GRK5: variants seen among roughly 807,000 people sequenced by gnomAD.
The protein encoded by GRK5 is G protein-coupled receptor kinase 5.
A neutral mutation model predicts 78.4 loss-of-function variants in GRK5; 40 were observed. The observed-to-expected ratio is 0.51, with a 90% confidence interval of 0.40 to 0.66. The LOEUF is 0.66. GRK5 is among the 30% of genes least tolerant of loss of function. GRK5 has a pLI of 0.00. For synonymous variants in GRK5, 289 were observed against 296.8 expected, an observed-to-expected ratio of 0.97 and a Z score of 0.27; for missense variants, 598 against 759.9, an observed-to-expected ratio of 0.79 and a Z score of 2.50.
intron 3 of GRK5, among the ~76,000 whole-genome samples, chr10:119,391,301 GC>G (rs2133842823): frequency 6.6e-6 from 1 of 152,028 alleles, no homozygotes; most frequent in Admixed American, 6.5e-5. Flanking sequence ...TGACCCTGGG[GC>G]CCCTGGGGGA....
intron 1 of GRK5, among the ~76,000 whole-genome samples, chr10:119,210,584 C>G (rs573624435): frequency 3.5e-4 from 54 of 152,168 alleles, no homozygotes; most frequent in African/African-American, 1.3e-3. Context: ...AGTGAAATAT[C>G]TAATATAAAA....
chr10:119,380,892 G>T lies in GRK5; in HGVS notation c.226G>T (p.Gly76Trp), dbSNP rs143531840. The T allele has an allele frequency of 2.5e-6, 4 of 1,613,172 alleles. No individual in the cohort carries two copies. The African/African-American group carries it at 5.3e-5, about 22-fold the overall frequency. Reference protein sequence around the residue: ...LFRQFCETRPGLECYIQFLDS... With the variant: ...LFRQFCETRPWLECYIQFLDS... The stretch of plus-strand genomic sequence containing the variant: ...CCGGCAGTTTTGTGAAACCAGGCCT[G>T]GGCTGGAGTGTTACATTCAGTTCCT... The change falls in exon 3 of 16, where the codon GGG becomes TGG. Residue 76 changes from glycine (G) to tryptophan (W), a missense_variant. Coordinates refer to ENST00000392870, the MANE Select transcript of GRK5 (RefSeq NM_005308.3).
rs142714809 is a variant in GRK5, at chr10:119,357,778, C to A, written c.149-23037C>A. Among the ~76,000 whole-genome samples the A allele has an allele frequency of 4.3e-3, 661 of 152,274 alleles. 7 individuals are homozygous for A. The highest frequency in any genetic ancestry group is 0.015 in the African/African-American group (616 of 41,536). ...TGCATTCTTGGCCACGTAGTTAAGT[C>A]TCCCTCCCTTTGTGCCCCCTTTATG... On this transcript the variant is annotated intron_variant, in intron 2 of 15. Coordinates refer to ENST00000392870, the MANE Select transcript of GRK5 (RefSeq NM_005308.3).
rs373828319 is a variant in GRK5, at chr10:119,209,337, G to A, written c.52+1368G>A. ...AAGGTTTATTTCAGAAGCCCCGAAG[G>A]GAGGCAGTGCTTTGAAAACCCCAGC... On this transcript the variant is annotated intron_variant, in intron 1 of 15. Transcript: ENST00000392870. 9.2e-4 allele frequency among the ~76,000 whole-genome samples: 140 copies of A among 152,198 alleles called. 2 individuals are homozygous for A. The highest frequency in any genetic ancestry group is 3.4e-3 in the Middle Eastern group (1 of 294).
chr10:119,315,736 T>C (rs1850475131), intron 1 of GRK5, among the ~76,000 whole-genome samples: 2 of 152,200 alleles, frequency 1.3e-5, no homozygotes, highest in African/African-American at 2.4e-5. Context: ...CCTTCCACTC[T>C]GCAGATGAGT....
At chr10:119,423,076 G>C in intron 4 of GRK5, 90 bp from the exon 5 acceptor site, 1 of 807,782 alleles carries the variant, frequency 1.2e-6, no homozygotes, top group East Asian at 2.4e-5. Context: ...CCTGGAGCGT[G>C]GCTGGTTCTT....
chr10:119,342,826 C>T (rs1448614424), intron 2 of GRK5, among the ~76,000 whole-genome samples: 1 of 152,166 alleles, frequency 6.6e-6, no homozygotes, highest in East Asian at 1.9e-4. Flanking sequence ...CCCCTTTGCC[C>T]TGAGCCCCAT....
At chr10:119,312,012 G>A (rs1026256484) in intron 1 of GRK5, among the ~76,000 whole-genome samples, 5 of 151,448 alleles carry the variant, frequency 3.3e-5, no homozygotes, top group Non-Finnish European at 7.4e-5. Flanking sequence ...CACCTCCCGG[G>A]TTCACGCCAT....
At chr10:119,241,825 T>C (rs952330873) in intron 1 of GRK5, among the ~76,000 whole-genome samples, 8 of 151,914 alleles carry the variant, frequency 5.3e-5, no homozygotes, top group Non-Finnish European at 1.0e-4. Context: ...AGAGAAAAAA[T>C]GGATTTAATT....
In GRK5 at chr10:119,287,818, C is replaced by T. The variant is rs183338332; in HGVS notation, c.53-38698C>T. Among the ~76,000 whole-genome samples, 13 of 152,298 alleles carry T rather than the reference C, an allele frequency of 8.5e-5. No individual in the cohort carries two copies. The East Asian group carries it at 2.1e-3, about 25-fold the overall frequency. On this transcript the variant is annotated intron_variant, in intron 1 of 15. Coordinates refer to ENST00000392870, the MANE Select transcript of GRK5 (RefSeq NM_005308.3). ...ATGGGATGTGTGTGCAAGGCTGGCACAGTCATCTCCCCCATACCATAGAGG... is the reference window on the plus strand; with the variant it reads ...ATGGGATGTGTGTGCAAGGCTGGCATAGTCATCTCCCCCATACCATAGAGG...
chr10:119,297,048 C>T (rs759299961), intron 1 of GRK5, among the ~76,000 whole-genome samples: 5 of 152,256 alleles, frequency 3.3e-5, no homozygotes, highest in Admixed American at 3.3e-4. Context: ...GCCAGGAGAG[C>T]AGCCTCAGTG....
chr10:119,354,854 G>T (rs978110755), intron 2 of GRK5, among the ~76,000 whole-genome samples: 1 of 152,104 alleles, frequency 6.6e-6, no homozygotes, highest in Non-Finnish European at 1.5e-5. Flanking sequence ...GTATTGGAAA[G>T]GCTGACTTTT....
intron 1 of GRK5, among the ~76,000 whole-genome samples, chr10:119,324,490 C>T (rs1031592051): frequency 2.0e-5 from 3 of 152,130 alleles, no homozygotes; most frequent in African/African-American, 4.8e-5. Flanking sequence ...TAGCCGGGTG[C>T]GGTGGTGCAC....
At chr10:119,443,821 G>C in intron 12 of GRK5, 69 bp downstream of exon 12, 2 of 1,353,348 alleles carry the variant, frequency 1.5e-6, no homozygotes, top group Non-Finnish European at 2.0e-6. Flanking sequence ...GCCCCAGTCT[G>C]TCCCCAGAAC....
intron 4 of GRK5, among the ~76,000 whole-genome samples, chr10:119,400,850 C>T (rs969303376): frequency 6.6e-6 from 1 of 152,176 alleles, no homozygotes; most frequent in Non-Finnish European, 1.5e-5. Context: ...GAACAAAGGG[C>T]CTTGCGAAAC....
intron 2 of GRK5, among the ~76,000 whole-genome samples, chr10:119,343,506 AGGAAGTGG>A (rs1851019417): frequency 1.3e-5 from 2 of 152,240 alleles, no homozygotes; most frequent in African/African-American, 4.8e-5. Flanking sequence ...AGATCTCTGA[AGGAAGTGG>A]AGCCTGGATT....
intron 4 of GRK5, among the ~76,000 whole-genome samples, chr10:119,408,163 CAA>C (rs34029208): frequency 0.016 from 1,187 of 73,914 alleles, 23 homozygotes; most frequent in African/African-American, 0.053. Context: ...AACTCCATCT[CAA>C]AAAAAAAAAA....
chr10:119,365,371 T>G (rs1851429618), intron 2 of GRK5, among the ~76,000 whole-genome samples: 1 of 152,230 alleles, frequency 6.6e-6, no homozygotes, highest in African/African-American at 2.4e-5. Context: ...TCTACTTGGC[T>G]CTCTGCAGAG....
Position 119,452,846 on chromosome 10 carries a change from A to C in GRK5, c.1542+38A>C. 3.9e-6 allele frequency: 2 copies of C among 518,304 alleles called. No individual in the cohort carries two copies. The highest frequency in any genetic ancestry group is 7.8e-6 in the Non-Finnish European group (2 of 256,978). 32.1% of individuals were successfully genotyped at this position (518,304 alleles called of 1,614,324 possible). A position where few individuals can be genotyped will look rare whatever the true frequency, so the allele number is the denominator to read the frequency against. On this transcript the variant is annotated intron_variant, in intron 14 of 15. Transcript: ENST00000392870. The surrounding 1 kb of genome is among the most constrained non-coding windows in gnomAD (Gnocchi z 4.4). ...GACCACTTGCTTTGGTCTGGGTGGG[A>C]GGGAGGGACTGACGGGTGGAAGGAG... is the stretch of plus-strand genomic sequence containing the variant.
Sources: allele counts gnomAD v4.1 joint callset (sites outside exome capture counted in the v4.1 genomes callset), GRCh38; gene constraint gnomAD v4.1.1; non-coding constraint Gnocchi (gnomAD v3.1); transcripts MANE v1.5; gene names NCBI Gene and HGNC (gene_info 2026-07-23, HGNC 2026-07-21).